SNTG1: variants seen among roughly 807,000 people sequenced by gnomAD.
SNTG1 encodes syntrophin gamma 1, also known as gamma-1-syntrophin.
A neutral mutation model predicts 74.7 loss-of-function variants in SNTG1; 39 were observed. The observed-to-expected ratio is 0.52, with a 90% CI of 0.40 to 0.68. The LOEUF (loss-of-function observed/expected upper bound fraction) is 0.68. Among genes scored for constraint, SNTG1 ranks in the 30% least tolerant of loss-of-function variants. SNTG1 has a pLI of 0.00. For synonymous variants in SNTG1, 254 were observed against 217.1 expected (o/e 1.17, Z -1.49); for missense variants, 685 against 609.5 (o/e 1.12, Z -1.30).
intron 2 of SNTG1, among the ~76,000 whole-genome samples, chr8:50,188,836 C>T (rs2083470854): frequency 6.6e-6 from 1 of 152,080 alleles, no homozygotes; most frequent in South Asian, 2.1e-4. Context: ...ATCCCAAATC[C>T]TAAAGGCCTG....
At chr8:49,938,210 A>C (rs1466596954) in intron 1 of SNTG1, among the ~76,000 whole-genome samples, 1 of 152,172 alleles carries the variant, frequency 6.6e-6, no homozygotes, top group Non-Finnish European at 1.5e-5. Context: ...TTGTAAAGCT[A>C]TTCTCAAGCT....
intron 8 of SNTG1, among the ~76,000 whole-genome samples, chr8:50,452,308 C>G (rs2093464996): frequency 6.6e-6 from 1 of 152,140 alleles, no homozygotes; most frequent in Non-Finnish European, 1.5e-5. Flanking sequence ...TATTTTAGAA[C>G]AAGTTTGTAA....
intron 13 of SNTG1, among the ~76,000 whole-genome samples, chr8:50,639,228 A>AT (rs1439672980): frequency 1.3e-5 from 2 of 151,530 alleles, no homozygotes; most frequent in Non-Finnish European, 3.0e-5. Flanking sequence ...GTTAAAAAAA[A>AT]AAAAGCTATT....
chr8:50,718,631 T>C (rs2095480417), intron 17 of SNTG1, among the ~76,000 whole-genome samples: 2 of 152,164 alleles, frequency 1.3e-5, no homozygotes, highest in South Asian at 4.1e-4. Flanking sequence ...AATTCTATTT[T>C]AGTCTCTGTA....
At chr8:50,694,900 A>C (rs79471773) in intron 15 of SNTG1, among the ~76,000 whole-genome samples, 1 of 151,322 alleles carries the variant, frequency 6.6e-6, no homozygotes, top group African/African-American at 2.4e-5. Flanking sequence ...AAAAAAAAAA[A>C]CTCCCAACAG....
At chr8:50,389,840 A>C (rs2092629867) in intron 2 of SNTG1, among the ~76,000 whole-genome samples, 1 of 152,208 alleles carries the variant, frequency 6.6e-6, no homozygotes, top group East Asian at 1.9e-4. Context: ...GCCAGTGATG[A>C]TGAGCATTTT....
At chr8:50,228,503 G>T (rs1455224365) in intron 2 of SNTG1, among the ~76,000 whole-genome samples, 1 of 151,980 alleles carries the variant, frequency 6.6e-6, no homozygotes, top group Non-Finnish European at 1.5e-5. Context: ...GAAAACAATG[G>T]TGAAGAGAAA....
chr8:50,564,187 T>A (rs1045034216), intron 12 of SNTG1, among the ~76,000 whole-genome samples: 1 of 152,032 alleles, frequency 6.6e-6, no homozygotes, highest in Non-Finnish European at 1.5e-5. Context: ...ATCCAAGACT[T>A]TCCTTGTCCT....
intron 1 of SNTG1, among the ~76,000 whole-genome samples, chr8:50,126,198 G>T (rs956193610): frequency 3.3e-5 from 5 of 152,036 alleles, no homozygotes; most frequent in Non-Finnish European, 7.4e-5. Context: ...TGAAAACAGT[G>T]ATGTTAAGTT....
intron 1 of SNTG1, among the ~76,000 whole-genome samples, chr8:50,020,049 A>C (rs1816680929): frequency 6.6e-6 from 1 of 152,150 alleles, no homozygotes; most frequent in Non-Finnish European, 1.5e-5. Flanking sequence ...ATCAGGAACT[A>C]ATTGAGCCTT....
intron 1 of SNTG1, among the ~76,000 whole-genome samples, chr8:50,146,779 T>C (rs979804977): frequency 1.1e-4 from 16 of 152,194 alleles, no homozygotes; most frequent in Admixed American, 2.0e-4. Flanking sequence ...GTAGTTTAAA[T>C]TTAGATTTAT....
rs1057477845 is a variant in SNTG1 at position 50,553,134 on chromosome 8, G to T, written c.765G>T (p.Trp255Cys). The change falls in exon 12 of 19, where the codon TGG becomes TGT. Residue 255 changes from tryptophan (W) to cysteine (C), a missense_variant. Transcript: ENST00000642720. ...TCTCTGCTGAAGACTGCGTTGACTGGCTACAAGCAATAGCAACTAACATTT... is the reference window on the plus strand; with the variant it reads ...TCTCTGCTGAAGACTGCGTTGACTGTCTACAAGCAATAGCAACTAACATTT... ...QCLSAEDCVD[W>C]LQAIATNISN... 1.2e-6 allele frequency: 2 copies of T among 1,613,772 alleles called. No individual in the cohort carries two copies. Among genetic ancestry groups the T allele is most frequent in the Admixed American group, 1.7e-5 (1 of 59,948 alleles).
intron 11 of SNTG1, among the ~76,000 whole-genome samples, chr8:50,549,938 T>C (rs971791254): frequency 1.3e-5 from 2 of 152,180 alleles, no homozygotes; most frequent in African/African-American, 4.8e-5. Context: ...GGGGAAATTA[T>C]ACATAGAACT....
chr8:50,131,315 GC>G, intron 1 of SNTG1, among the ~76,000 whole-genome samples: 1 of 152,074 alleles, frequency 6.6e-6, no homozygotes, highest in Non-Finnish European at 1.5e-5. Context: ...TTTTTTTGCA[GC>G]TTTTTTGGAG....
At chr8:50,715,804 T>A (rs1328615820) in intron 17 of SNTG1, among the ~76,000 whole-genome samples, 1 of 152,204 alleles carries the variant, frequency 6.6e-6, no homozygotes, top group Non-Finnish European at 1.5e-5. Context: ...TTTTTCATAT[T>A]TTTTCTACAA....
chr8:50,679,962 C>G (rs1276168417), intron 15 of SNTG1, among the ~76,000 whole-genome samples: 1 of 152,206 alleles, frequency 6.6e-6, no homozygotes, highest in South Asian at 2.1e-4. Flanking sequence ...TGTATTTGGG[C>G]AAGGGGACCT....
chr8:50,367,458 A>G (rs2092146516), intron 2 of SNTG1, among the ~76,000 whole-genome samples: 1 of 152,160 alleles, frequency 6.6e-6, no homozygotes, highest in South Asian at 2.1e-4. Flanking sequence ...TTAACCCTGC[A>G]TATAAAATTT....
intron 17 of SNTG1, among the ~76,000 whole-genome samples, chr8:50,721,341 T>A (rs887299244): frequency 2.0e-5 from 3 of 152,156 alleles, no homozygotes; most frequent in African/African-American, 7.2e-5. Flanking sequence ...CCACTGACAT[T>A]CTCTAGGTTA....
intron 2 of SNTG1, among the ~76,000 whole-genome samples, chr8:50,389,910 C>T (rs1289177916): frequency 2.6e-5 from 4 of 152,160 alleles, no homozygotes; most frequent in Non-Finnish European, 4.4e-5. Flanking sequence ...TCATATCCTT[C>T]GCCCACTTGT....
Sources: gnomAD v4.1 joint callset for allele counts (sites outside exome capture counted in the v4.1 genomes callset) on GRCh38, gnomAD v4.1.1 for gene constraint, MANE v1.5 for transcripts, NCBI Gene and HGNC (gene_info 2026-07-23, HGNC 2026-07-21) for gene names.